Variants in GALNT17 observed in about 807,000 individuals in gnomAD.
The protein encoded by GALNT17 is polypeptide N-acetylgalactosaminyltransferase 17, also known as UDP-GalNAc:polypeptide N-acetylgalactosaminyltransferase-like 3.
In GALNT17, 29 loss-of-function variants were observed where a neutral mutation model predicts 63.7. The observed-to-expected ratio is 0.46, with a 90% CI of 0.34 to 0.62. The LOEUF (loss-of-function observed/expected upper bound fraction) is 0.62. Ranked by LOEUF, GALNT17 falls within the 20% of genes least tolerant of loss-of-function variation. The pLI, the probability that GALNT17 is intolerant of heterozygous loss-of-function variation, is 0.01. For missense variants in GALNT17, 603 were observed against 799.6 expected, an observed-to-expected ratio of 0.75 and a Z score of 2.97; for synonymous variants, 305 against 318.3, an observed-to-expected ratio of 0.96 and a Z score of 0.45.
chr7:71,685,687 C>T (rs780068649), intron 9 of GALNT17: 1 of 152,126 alleles, frequency 6.6e-6, no homozygotes, highest in Non-Finnish European at 1.5e-5. Flanking sequence ...GCCAGATCAG[C>T]TGAATCAACC....
chr7:71,155,370 C>A (rs1788215714), intron 1 of GALNT17, among the ~76,000 whole-genome samples: 1 of 151,634 alleles, frequency 6.6e-6, no homozygotes, highest in African/African-American at 2.4e-5. Context: ...ACCTCCCGGG[C>A]TCAAGCAATT....
chr7:71,412,058 T>C (rs1793438446), intron 3 of GALNT17, among the ~76,000 whole-genome samples: 1 of 152,212 alleles, frequency 6.6e-6, no homozygotes, highest in Non-Finnish European at 1.5e-5. Context: ...AGAACTTCAT[T>C]TCCTCCTTGG....
intron 3 of GALNT17, among the ~76,000 whole-genome samples, chr7:71,392,824 C>G (rs1390299122): frequency 7.5e-6 from 1 of 132,586 alleles, no homozygotes; most frequent in Non-Finnish European, 1.7e-5. Flanking sequence ...TATGTTTTTT[C>G]CCCGGGCCAG....
intron 5 of GALNT17, among the ~76,000 whole-genome samples, chr7:71,568,618 G>T (rs1301476304): frequency 3.3e-5 from 5 of 152,092 alleles, no homozygotes; most frequent in Non-Finnish European, 7.4e-5. Context: ...GCTTAGGATA[G>T]TGGTCTCCAG....
At chr7:71,488,041 A>G (rs867794198) in intron 5 of GALNT17, among the ~76,000 whole-genome samples, 1 of 152,192 alleles carries the variant, frequency 6.6e-6, no homozygotes, top group African/African-American at 2.4e-5. Flanking sequence ...GTGGTGGTGC[A>G]TGATGGTAGT....
chr7:71,338,345 T>A lies in GALNT17; in HGVS notation c.422+2612T>A, dbSNP rs1046915285. Among the ~76,000 whole-genome samples, 10 of 138,894 alleles carry A rather than the reference T, an allele frequency of 7.2e-5. No homozygotes were observed. The South Asian group carries it at 1.6e-3, about 22-fold the overall frequency. The allele number at this position is 138,894 out of a possible 152,430, so 91.1% of individuals were successfully genotyped here. A position where few individuals can be genotyped will look rare whatever the true frequency, so the allele number is the denominator to read the frequency against. ...CCGTCTCAAAAAAAAAATAAATAAA[T>A]AAAAAATAAATAAATATATATATAT... On this transcript the variant is annotated intron_variant, in intron 2 of 10. Coordinates refer to ENST00000333538, the MANE Select transcript of GALNT17 (RefSeq NM_022479.3).
At chr7:71,199,298 G>C (rs1253368532) in intron 1 of GALNT17, among the ~76,000 whole-genome samples, 1 of 152,046 alleles carries the variant, frequency 6.6e-6, no homozygotes, top group Non-Finnish European at 1.5e-5. Flanking sequence ...TTTCCTGTTT[G>C]GCTTGTGTTA....
chr7:71,650,689 C>T (rs1376056699), intron 6 of GALNT17, among the ~76,000 whole-genome samples: 1 of 152,116 alleles, frequency 6.6e-6, no homozygotes, highest in East Asian at 1.9e-4. Flanking sequence ...TATAATTGTG[C>T]CCTACCAACT....
chr7:71,699,698 C>T (rs997191049), intron 9 of GALNT17, among the ~76,000 whole-genome samples: 3 of 152,020 alleles, frequency 2.0e-5, no homozygotes, highest in African/African-American at 7.2e-5. Flanking sequence ...CTTTGAGATG[C>T]TGAAATGGGA....
chr7:71,392,592 G>A (rs1169144575), intron 3 of GALNT17, among the ~76,000 whole-genome samples: 1 of 152,112 alleles, frequency 6.6e-6, no homozygotes, highest in African/African-American at 2.4e-5. Context: ...AGGTAACCAC[G>A]CCTTGAGCCC....
intron 6 of GALNT17, among the ~76,000 whole-genome samples, chr7:71,591,732 G>A (rs1029226717): frequency 3.3e-5 from 5 of 151,934 alleles, no homozygotes; most frequent in African/African-American, 7.2e-5. Context: ...GCGTGATCTC[G>A]GCTCACTGCA....
At chr7:71,616,959 T>C (rs1790219502) in intron 6 of GALNT17, among the ~76,000 whole-genome samples, 1 of 146,524 alleles carries the variant, frequency 6.8e-6, no homozygotes. Context: ...AATTAACTAA[T>C]TTATATATGA....
At chr7:71,159,688 C>T (rs1788304195) in intron 1 of GALNT17, among the ~76,000 whole-genome samples, 1 of 148,522 alleles carries the variant, frequency 6.7e-6, no homozygotes, top group South Asian at 2.2e-4. Context: ...ACTTGTGAGC[C>T]CCCAACATGC....
At chr7:71,616,149 G>A (rs1205061122) in intron 6 of GALNT17, among the ~76,000 whole-genome samples, 1 of 152,178 alleles carries the variant, frequency 6.6e-6, no homozygotes, top group African/African-American at 2.4e-5. Context: ...TTTGTCAGTG[G>A]TGAAGATCAG....
intron 9 of GALNT17, among the ~76,000 whole-genome samples, chr7:71,682,725 G>GT (rs1765224505): frequency 6.6e-6 from 1 of 151,856 alleles, no homozygotes; most frequent in African/African-American, 2.4e-5. Flanking sequence ...TTTTTAAAAA[G>GT]TTTTTTGTAG....
intron 1 of GALNT17, among the ~76,000 whole-genome samples, chr7:71,288,895 T>C (rs564048877): frequency 2.0e-5 from 3 of 152,332 alleles, no homozygotes; most frequent in East Asian, 3.9e-4. Flanking sequence ...AGGTGATGTA[T>C]TTAAAAGATC....
chr7:71,682,320 TG>T (rs11361932), intron 9 of GALNT17, among the ~76,000 whole-genome samples: 143,889 of 151,564 alleles, frequency 0.95, 68,549 homozygotes, highest in Non-Finnish European at 1. Flanking sequence ...TGTGGCCCTG[TG>T]GCCCCCCACC....
At chr7:71,356,707 G>A (rs986441791) in intron 2 of GALNT17, among the ~76,000 whole-genome samples, 1 of 152,150 alleles carries the variant, frequency 6.6e-6, no homozygotes, top group Admixed American at 6.5e-5. Context: ...AGTGGGCCCC[G>A]CCTCCAACTT....
chr7:71,567,511 C>T (rs568580003), intron 5 of GALNT17, among the ~76,000 whole-genome samples: 2 of 152,356 alleles, frequency 1.3e-5, no homozygotes, highest in African/African-American at 4.8e-5. Context: ...GTCACCCAGG[C>T]TGGAGTGCAG....
Sources: allele counts gnomAD v4.1 joint callset (sites outside exome capture counted in the v4.1 genomes callset), GRCh38; gene constraint gnomAD v4.1.1; transcripts MANE v1.5; gene names NCBI Gene and HGNC (gene_info 2026-07-23, HGNC 2026-07-21).